ACTG2: variants seen among roughly 807,000 people sequenced by gnomAD.
ACTG2 encodes actin gamma 2, smooth muscle.
ACTG2 carries 16 observed loss-of-function variants against 37.6 expected under a neutral mutation model. That is an observed-to-expected ratio of 0.43 (90% CI 0.29 to 0.65). The LOEUF is 0.65. Ranked by LOEUF, ACTG2 falls within the 30% of genes least tolerant of loss-of-function variation. The pLI is 0.18. For missense variants in ACTG2, 238 were observed against 490.9 expected (o/e 0.48, Z 4.87); for synonymous variants, 181 against 179.9 (o/e 1.01, Z -0.05).
intron 5 of ACTG2, among the ~76,000 whole-genome samples, chr2:73,910,687 G>GA (rs1009571723): frequency 2.4e-4 from 36 of 150,370 alleles, no homozygotes; most frequent in Admixed American, 1.3e-4. Context: ...ATTTAGTAGA[G>GA]AAAAAAAAGG....
chr2:73,905,505 C>G (rs988883272), intron 3 of ACTG2, among the ~76,000 whole-genome samples: 4 of 151,884 alleles, frequency 2.6e-5, no homozygotes, highest in African/African-American at 9.7e-5. Flanking sequence ...ATTAGCTGAA[C>G]AGAAATTATG....
At chr2:73,914,515 C>T (rs1680217178) in intron 6 of ACTG2, among the ~76,000 whole-genome samples, 165 bp from the exon 7 acceptor site, 1 of 148,434 alleles carries the variant, frequency 6.7e-6, no homozygotes, top group Non-Finnish European at 1.5e-5. Context: ...GCCAAGATAG[C>T]ACCACTGCAC....
chr2:73,910,205 A>T (rs1680099425), intron 5 of ACTG2, among the ~76,000 whole-genome samples: 1 of 131,742 alleles, frequency 7.6e-6, no homozygotes, highest in South Asian at 2.5e-4. Flanking sequence ...ACAGAGCGAG[A>T]CTCCGTCTCA....
intron 1 of ACTG2, among the ~76,000 whole-genome samples, chr2:73,899,322 A>T (rs929731673): frequency 6.6e-6 from 1 of 152,106 alleles, no homozygotes; most frequent in African/African-American, 2.4e-5. Context: ...TATATCAGCC[A>T]GCCATAGGGC....
At chr2:73,908,430 C>T (rs1343148605) in intron 3 of ACTG2, 5 of 593,924 alleles carry the variant, frequency 8.4e-6, no homozygotes, top group Non-Finnish European at 1.3e-5. Flanking sequence ...GAGGGAAGGT[C>T]AAATGGAAAT....
chr2:73,893,707 T>C (rs11894609), intron 1 of ACTG2, among the ~76,000 whole-genome samples: 10,187 of 152,198 alleles, frequency 0.067, 1,068 homozygotes, highest in African/African-American at 0.22. Context: ...TTCATTCTCC[T>C]CTGATGAGGA....
chr2:73,899,848 G>A (rs1321550827), intron 1 of ACTG2, among the ~76,000 whole-genome samples: 1 of 152,224 alleles, frequency 6.6e-6, no homozygotes, highest in Non-Finnish European at 1.5e-5. Context: ...AGCAGAGACA[G>A]AGGCAAAGCT....
At chr2:73,907,963 A>T (rs1022934168) in intron 3 of ACTG2, among the ~76,000 whole-genome samples, 1 of 152,164 alleles carries the variant, frequency 6.6e-6, no homozygotes, top group Admixed American at 6.5e-5. Flanking sequence ...TCTCAGCAGG[A>T]GATAGTGTAC....
At chr2:73,910,977 C>T (rs935856577) in intron 5 of ACTG2, among the ~76,000 whole-genome samples, 1 of 151,440 alleles carries the variant, frequency 6.6e-6, no homozygotes, top group Non-Finnish European at 1.5e-5. Flanking sequence ...ACACATTAGC[C>T]TCGGCCTACA....
At chr2:73,898,530 T>A (rs922109246) in intron 1 of ACTG2, among the ~76,000 whole-genome samples, 1 of 150,548 alleles carries the variant, frequency 6.6e-6, no homozygotes, top group Admixed American at 6.6e-5. Flanking sequence ...CATTCACTCA[T>A]GACCATTTCA....
At chr2:73,916,254 T>C (rs1173115103) in intron 7 of ACTG2, among the ~76,000 whole-genome samples, 1 of 151,736 alleles carries the variant, frequency 6.6e-6, no homozygotes, top group Non-Finnish European at 1.5e-5. Flanking sequence ...CATGTGCTTG[T>C]AATCCCAGCT....
intron 7 of ACTG2, among the ~76,000 whole-genome samples, chr2:73,916,207 C>A (rs536070137): frequency 6.6e-6 from 1 of 152,118 alleles, no homozygotes; most frequent in Admixed American, 6.5e-5. Context: ...GAAACCCCAT[C>A]TCTACTAAAA....
chr2:73,916,695 T>C lies in ACTG2; in HGVS notation c.917T>C (p.Met306Thr), dbSNP rs1383262540. Reference protein sequence around the residue: ...ANNVLSGGTTMYPGIADRMQK... With the variant: ...ANNVLSGGTTTYPGIADRMQK... ...AATGTCCTCTCTGGGGGCACCACCA[T>C]GTACCCTGGCATTGCTGACAGGATG... The change falls in exon 8 of 9, where the codon ATG (methionine) becomes ACG (threonine). Residue 306 changes from methionine to threonine, a missense_variant. Physicochemically the swap from Met to Thr is moderately conservative, Grantham distance 81. Transcript: ENST00000345517. 4 of 1,614,052 alleles carry C rather than the reference T, an allele frequency of 2.5e-6. No homozygotes were observed. Among genetic ancestry groups the C allele is most frequent in the African/African-American group, 1.3e-5 (1 of 74,928 alleles).
intron 1 of ACTG2, among the ~76,000 whole-genome samples, chr2:73,895,669 A>G (rs1380702221): frequency 6.6e-6 from 1 of 152,254 alleles, no homozygotes; most frequent in Non-Finnish European, 1.5e-5. Context: ...GAACTGACAT[A>G]AATTCAACTT....
chr2:73,895,086 G>T (rs577130344), intron 1 of ACTG2, among the ~76,000 whole-genome samples: 1 of 152,280 alleles, frequency 6.6e-6, no homozygotes, highest in African/African-American at 2.4e-5. Context: ...CGGCACCAGG[G>T]CATTGGGCAT....
chr2:73,909,268 A>G, intron 5 of ACTG2, 129 bp downstream of exon 5: 1 of 777,962 alleles, frequency 1.3e-6, no homozygotes, highest in Non-Finnish European at 2.1e-6. Flanking sequence ...TTTCTTAGGG[A>G]TAATAGGTGA....
At chr2:73,911,319 A>C (rs982570163) in intron 5 of ACTG2, among the ~76,000 whole-genome samples, 5 of 151,956 alleles carry the variant, frequency 3.3e-5, no homozygotes, top group African/African-American at 9.6e-5. Context: ...ACATGGCTAC[A>C]ACCTATCTCT....
chr2:73,895,178 G>C (rs1057193587), intron 1 of ACTG2, among the ~76,000 whole-genome samples: 4 of 151,906 alleles, frequency 2.6e-5, no homozygotes, highest in Non-Finnish European at 5.9e-5. Context: ...TGGAGGTGTG[G>C]AGTTGGGGTG....
rs1680078305 is a variant in ACTG2, at chr2:73,909,282, T to C, written c.451+143T>C. ...CTTTCTTAGGGATAATAGGTGAGAA[T>C]GCCCATGTGGAATGCCAGATGTGAG... On this transcript the variant is annotated intron_variant, in intron 5 of 8. Transcript: ENST00000345517. 5.7e-6 allele frequency: 4 copies of C among 700,352 alleles called. No individual in the cohort carries two copies. The South Asian group carries it at 6.9e-5, about 12-fold the overall frequency. 43.4% of individuals were successfully genotyped at this position (700,352 alleles called of 1,614,324 possible).
Sources: gnomAD v4.1 joint callset for allele counts (sites outside exome capture counted in the v4.1 genomes callset) on GRCh38, gnomAD v4.1.1 for gene constraint, MANE v1.5 for transcripts, NCBI Gene and HGNC (gene_info 2026-07-23, HGNC 2026-07-21) for gene names.